Variants in SETD9 observed in about 807,000 individuals in gnomAD.
The protein encoded by SETD9 is SET domain containing 9, also known as SET domain-containing protein 9.
In SETD9, 37 loss-of-function variants were observed where a neutral mutation model predicts 36.4. That is an observed-to-expected ratio of 1.02 (90% CI 0.78 to 1.34). SETD9 has a LOEUF of 1.34. Ranked by LOEUF, SETD9 falls within the 40% of genes most tolerant of loss-of-function variation. SETD9 has a pLI of 0.00. For missense variants in SETD9, 323 were observed against 353.2 expected, an observed-to-expected ratio of 0.91 and a Z score of 0.69; for synonymous variants, 128 against 132.9, an observed-to-expected ratio of 0.96 and a Z score of 0.26.
At chr5:56,910,111 T>G (rs886644368) in intron 1 of SETD9, 1 of 1,243,196 alleles carries the variant, frequency 8.0e-7, no homozygotes, top group Non-Finnish European at 1.0e-6. Context: ...CCTGTTGCGT[T>G]CGGCACTGAC....
rs1749302060 is a variant in SETD9 at position 56,914,084 on chromosome 5, A to G, written c.706+95A>G. 6.3e-6 allele frequency: 5 copies of G among 798,506 alleles called. No homozygotes were observed. The South Asian group carries it at 8.8e-5, about 14-fold the overall frequency. 49.5% of individuals were successfully genotyped at this position (798,506 alleles called of 1,614,324 possible). A position where few individuals can be genotyped will look rare whatever the true frequency, so the allele number is the denominator to read the frequency against. The stretch of plus-strand genomic sequence containing the variant: ...TGAGTGCCAAGGGCAGTTGAGTATA[A>G]CATATAATAAGCTAGTCAAGTCCTT... On this transcript the variant is annotated intron_variant, in intron 4 of 5. Transcript: ENST00000285947.
chr5:56,909,533 G>A, upstream of SETD9: 1 of 727,570 alleles, frequency 1.4e-6, no homozygotes. Flanking sequence ...CACTGAGAGC[G>A]GAGCCAGGGG....
chr5:56,925,478 T>C, exon 6 of SETD9: 1 of 286,888 alleles, frequency 3.5e-6, no homozygotes, highest in South Asian at 3.2e-5. Context: ...ACGATTGAAA[T>C]TTGAAATTTA....
chr5:56,912,582 CT>C (rs1749195074), intron 2 of SETD9, among the ~76,000 whole-genome samples: 1 of 152,148 alleles, frequency 6.6e-6, no homozygotes. Context: ...CTCATTTCGT[CT>C]TTTGCCAGTG....
chr5:56,923,902 C>CT, intron 5 of SETD9: 1 of 1,614,014 alleles, frequency 6.2e-7, no homozygotes, highest in Non-Finnish European at 8.5e-7. Context: ...GAAGGCAAGG[C>CT]CACAGTACTT....
chr5:56,922,408 T>C (rs544228800), intron 5 of SETD9: 1 of 152,698 alleles, frequency 6.5e-6, no homozygotes, highest in South Asian at 2.1e-4. Context: ...CAATTCTGTG[T>C]AAGGTAGCCC....
exon 6 of SETD9, chr5:56,925,513 A>C: frequency 4.2e-6 from 1 of 238,150 alleles, no homozygotes; most frequent in Non-Finnish European, 8.5e-6. Context: ...TTACATTAGC[A>C]CCCCAAAATT....
At chr5:56,915,418 T>C (rs933794848) in intron 5 of SETD9, among the ~76,000 whole-genome samples, 1 of 152,220 alleles carries the variant, frequency 6.6e-6, no homozygotes, top group African/African-American at 2.4e-5. Flanking sequence ...AAGGACTGTA[T>C]TCAGAAGACA....
At chr5:56,917,494 A>C, downstream of SETD9, 1 of 223,688 alleles carries the variant, frequency 4.5e-6, no homozygotes, top group Non-Finnish European at 7.5e-6. Context: ...TGGTGGGAGG[A>C]ACACTTATTC....
chr5:56,912,210 C>T, intron 2 of SETD9: 3 of 984,534 alleles, frequency 3.0e-6, no homozygotes, highest in Non-Finnish European at 3.6e-6. Flanking sequence ...AACATTTAAA[C>T]CCATAAGTCA....
intron 5 of SETD9, chr5:56,923,895 G>A (rs937329536): frequency 1.1e-5 from 18 of 1,613,886 alleles, no homozygotes; most frequent in Non-Finnish European, 1.4e-5. Flanking sequence ...AGTCTTTGAA[G>A]GCAAGGCCAC....
At chr5:56,915,706 G>A (rs533107576) in intron 5 of SETD9, among the ~76,000 whole-genome samples, 23 of 152,298 alleles carry the variant, frequency 1.5e-4, no homozygotes, top group Admixed American at 3.3e-4. Context: ...CCTCAAGCCT[G>A]TAATCTCAGC....
At chr5:56,922,905 G>T in intron 5 of SETD9, 1 of 538,010 alleles carries the variant, frequency 1.9e-6, no homozygotes, top group Non-Finnish European at 3.3e-6. Flanking sequence ...GCACCACAGA[G>T]TTCAATCTTA....
intron 5 of SETD9, among the ~76,000 whole-genome samples, chr5:56,924,443 TTTCA>T (rs1291230683): frequency 1.1e-4 from 17 of 152,264 alleles, no homozygotes; most frequent in Admixed American, 2.0e-4. Context: ...CATAAATGGA[TTTCA>T]TTGAGATCTA....
Position 56,914,971 on chromosome 5 carries a change from G to A in SETD9, c.812+5G>A, listed in dbSNP as rs1166002719. 1.0e-5 allele frequency: 16 copies of A among 1,573,544 alleles called. No homozygotes were observed. Among genetic ancestry groups the A allele is most frequent in the South Asian group, 2.3e-5 (2 of 85,434 alleles). ...CTACAGCTATGACAAACAAAGGTTC[G>A]TTTGCTAAAAGAGCATTTCATATCT... On this transcript the variant is annotated splice_donor_5th_base_variant and intron_variant, in intron 5 of 5. Transcript: ENST00000285947.
At position 56,916,954 on chromosome 5, in the gene SETD9, G is replaced by A. The variant is rs1219638647; in HGVS notation, c.*52G>A. 1.3e-6 allele frequency: 2 copies of A among 1,533,528 alleles called. No homozygotes were observed. Among genetic ancestry groups the A allele is most frequent in the East Asian group, 2.4e-5 (1 of 41,398 alleles). The allele number at this position is 1,533,528 out of a possible 1,614,324, so 95.0% of individuals were successfully genotyped here. A position where few individuals can be genotyped will look rare whatever the true frequency, so the allele number is the denominator to read the frequency against. ...TTCTACTCAGCTATTAATTCTAAGT[G>A]TTTTTTGTTAATCACTTCTCTGAGT... On this transcript the variant is annotated 3_prime_UTR_variant, in exon 6 of 6. Transcript: ENST00000285947.
chr5:56,914,039 C>A, intron 4 of SETD9, 50 bp downstream of exon 4: 1 of 1,350,822 alleles, frequency 7.4e-7, no homozygotes, highest in Non-Finnish European at 1.1e-6. Context: ...ATGGCTAATT[C>A]TACTCCTTTG....
intron 2 of SETD9, chr5:56,912,360 G>T: frequency 1.7e-6 from 1 of 580,510 alleles, no homozygotes; most frequent in Non-Finnish European, 2.2e-6. Flanking sequence ...GAAAGTGTGT[G>T]TGTGAATATT....
At chr5:56,928,717 T>C (rs777281490), downstream of SETD9, 1 of 1,327,834 alleles carries the variant, frequency 7.5e-7, no homozygotes. Flanking sequence ...AATTAGTTGC[T>C]TACATTCACT....
Sources: allele counts gnomAD v4.1 joint callset (sites outside exome capture counted in the v4.1 genomes callset), GRCh38; gene constraint gnomAD v4.1.1; transcripts MANE v1.5; gene names NCBI Gene and HGNC (gene_info 2026-07-23, HGNC 2026-07-21).